MYO9A: variants seen among roughly 807,000 people sequenced by gnomAD.
MYO9A encodes myosin IXA, also known as unconventional myosin-IXa.
In MYO9A, 103 loss-of-function variants were observed where a neutral mutation model predicts 293.3. That is an observed-to-expected ratio of 0.35 (90% CI 0.30 to 0.41). The LOEUF (loss-of-function observed/expected upper bound fraction) is 0.41, where lower values mean the gene tolerates loss of function less well. Ranked by LOEUF, MYO9A falls within the 10% of genes least tolerant of loss-of-function variation. The probability of loss-of-function intolerance (pLI) is 1.00; values close to 1 mark genes in which losing one functional copy is unlikely to be tolerated. For synonymous variants in MYO9A, 1,001 were observed against 1,035.7 expected (o/e 0.97, Z 0.64); for missense variants, 2,685 against 3,033.0 (o/e 0.89, Z 2.69).
chr15:71,974,072 G>A (rs2076078618), intron 12 of MYO9A, among the ~76,000 whole-genome samples: 1 of 152,138 alleles, frequency 6.6e-6, no homozygotes, highest in African/African-American at 2.4e-5. Context: ...CTTACCCAGT[G>A]GAAGATGCAA....
chr15:72,016,960 A>G (rs919905973), intron 6 of MYO9A, among the ~76,000 whole-genome samples: 4 of 151,950 alleles, frequency 2.6e-5, no homozygotes, highest in African/African-American at 9.7e-5. Flanking sequence ...GAAACTGGAA[A>G]ATAAGCCAGC....
At chr15:71,892,537 A>G (rs1301899539) in intron 26 of MYO9A, 1 of 153,628 alleles carries the variant, frequency 6.5e-6, no homozygotes, top group East Asian at 1.9e-4. Context: ...GTTTTATTAC[A>G]AGACGGTCAT....
chr15:71,964,617 T>TAA (rs36017249), intron 13 of MYO9A, among the ~76,000 whole-genome samples: 88,116 of 123,794 alleles, frequency 0.71, 32,093 homozygotes, highest in Middle Eastern at 0.79. Flanking sequence ...CCATCTCTAC[T>TAA]AAAAAAAAAA....
At chr15:71,851,186 T>G in intron 37 of MYO9A, 67 bp downstream of exon 37, 1 of 1,243,890 alleles carries the variant, frequency 8.0e-7, no homozygotes, top group Non-Finnish European at 1.1e-6. Flanking sequence ...AATGGAGAAA[T>G]TCCTTATCTA....
chr15:71,848,836 G>A lies in MYO9A; in HGVS notation c.6837+9C>T. The A allele has an allele frequency of 6.3e-7, 1 of 1,599,444 alleles. No homozygotes were observed. Among genetic ancestry groups the A allele is most frequent in the Non-Finnish European group, 8.5e-7 (1 of 1,175,892 alleles). On this transcript the variant is annotated intron_variant, in intron 39 of 41. Transcript: ENST00000356056. ...CCATTTTTCCACTATTCCATGTGTT[G>A]CATCTTACCATTGATCTACGAATCA...
chr15:72,036,726 T>C (rs941717436), intron 2 of MYO9A: 6 of 152,300 alleles, frequency 3.9e-5, no homozygotes. Flanking sequence ...TTGTTTTGTT[T>C]TGTTTTGAGA....
intron 33 of MYO9A, among the ~76,000 whole-genome samples, chr15:71,860,646 A>G (rs1388238589): frequency 6.6e-6 from 1 of 152,098 alleles, no homozygotes; most frequent in Non-Finnish European, 1.5e-5. Context: ...GGATAACAAC[A>G]AAGAAAGTTA....
intron 39 of MYO9A, among the ~76,000 whole-genome samples, chr15:71,847,821 AGCCCAT>A (rs2055456827): frequency 6.6e-6 from 1 of 152,186 alleles, no homozygotes; most frequent in Admixed American, 6.5e-5. Flanking sequence ...GCCTGCAAAA[AGCCCAT>A]GCTTATGTTT....
At chr15:71,827,849 A>G (rs1314517931) in intron 41 of MYO9A, 35 bp downstream of exon 41, 2 of 1,575,230 alleles carry the variant, frequency 1.3e-6, no homozygotes, top group Non-Finnish European at 1.7e-6. Flanking sequence ...TTTGCAAAAC[A>G]AATCTGGAGT....
At chr15:72,035,214 A>G (rs577751334) in intron 2 of MYO9A, among the ~76,000 whole-genome samples, 9 of 152,318 alleles carry the variant, frequency 5.9e-5, no homozygotes, top group Non-Finnish European at 1.3e-4. Flanking sequence ...ACAAAAAGTA[A>G]AACATTCACA....
intron 30 of MYO9A, among the ~76,000 whole-genome samples, chr15:71,878,618 T>C (rs2056768188): frequency 6.6e-6 from 1 of 152,174 alleles, no homozygotes; most frequent in South Asian, 2.1e-4. Flanking sequence ...ACTTGAATCA[T>C]TGCCTAAGCA....
Position 71,905,803 on chromosome 15 carries a change from A to T in MYO9A, c.2686-797T>A, listed in dbSNP as rs192572965. Among the ~76,000 whole-genome samples, 555 of 147,280 alleles carry T rather than the reference A, an allele frequency of 3.8e-3. 3 individuals carry two copies. The highest frequency in any genetic ancestry group is 0.013 in the African/African-American group (526 of 40,466). The stretch of plus-strand genomic sequence containing the variant: ...AAAAAAAAAAATTTGGATCTGCTTA[A>T]AGAACCAGCTTTTGGTGTCAGTGTT... On this transcript the variant is annotated intron_variant, in intron 19 of 41. Transcript: ENST00000356056.
At chr15:71,881,613 AAAAT>A (rs2056875502) in intron 28 of MYO9A, among the ~76,000 whole-genome samples, 1 of 152,170 alleles carries the variant, frequency 6.6e-6, no homozygotes, top group Non-Finnish European at 1.5e-5. Flanking sequence ...TCTTATTAAT[AAAAT>A]AAATGTTTAC....
intron 3 of MYO9A, among the ~76,000 whole-genome samples, chr15:72,030,894 C>T (rs761250957): frequency 4.6e-5 from 7 of 152,160 alleles, no homozygotes; most frequent in Admixed American, 3.3e-4. Flanking sequence ...GGGCCCCAAC[C>T]CCCAGGGCAT....
intron 2 of MYO9A, among the ~76,000 whole-genome samples, chr15:72,038,094 C>T (rs1330029219): frequency 3.3e-5 from 5 of 151,866 alleles, no homozygotes; most frequent in Admixed American, 6.6e-5. Flanking sequence ...TTTTCTTTTC[C>T]ATTTTTTTGT....
chr15:71,929,001 T>A (rs1481946524), intron 18 of MYO9A, among the ~76,000 whole-genome samples: 1 of 151,716 alleles, frequency 6.6e-6, no homozygotes, highest in Non-Finnish European at 1.5e-5. Flanking sequence ...AACCCATGAG[T>A]TCAAGGTACA....
At chr15:71,849,134 G>A (rs2055520547) in intron 38 of MYO9A, among the ~76,000 whole-genome samples, 166 bp from the exon 39 acceptor site, 1 of 152,146 alleles carries the variant, frequency 6.6e-6, no homozygotes, top group Non-Finnish European at 1.5e-5. Flanking sequence ...CACAACTTTG[G>A]CTGCACTTTA....
At chr15:71,937,112 G>A (rs2058663385) in intron 16 of MYO9A, among the ~76,000 whole-genome samples, 1 of 152,032 alleles carries the variant, frequency 6.6e-6, no homozygotes, top group Non-Finnish European at 1.5e-5. Flanking sequence ...TGTGAAAAGT[G>A]TTGAAATGAC....
At chr15:72,024,374 C>T (rs2077598848) in intron 4 of MYO9A, among the ~76,000 whole-genome samples, 2 of 152,244 alleles carry the variant, frequency 1.3e-5, no homozygotes, top group South Asian at 2.1e-4. Flanking sequence ...ACCTCTATCT[C>T]GTTTCAAGTG....
Sources: allele counts gnomAD v4.1 joint callset (sites outside exome capture counted in the v4.1 genomes callset), GRCh38; gene constraint gnomAD v4.1.1; transcripts MANE v1.5; gene names NCBI Gene and HGNC (gene_info 2026-07-23, HGNC 2026-07-21).